Variants in FGF12 observed in about 807,000 individuals in gnomAD.
FGF12 encodes fibroblast growth factor 12B.
A neutral mutation model predicts 23.6 loss-of-function variants in FGF12; 14 were observed. The observed-to-expected ratio is 0.59, with a 90% confidence interval of 0.39 to 0.93. The LOEUF is 0.93. FGF12 is among the 40% of genes least tolerant of loss of function. The probability of loss-of-function intolerance (pLI) is 0.00; values close to 1 mark genes in which losing one functional copy is unlikely to be tolerated. For synonymous variants in FGF12, 62 were observed against 77.3 expected (o/e 0.80, Z 1.04); for missense variants, 175 against 217.8 (o/e 0.80, Z 1.24).
chr3:192,457,879 A>T (rs1306823663), intron 2 of FGF12, among the ~76,000 whole-genome samples: 1 of 152,140 alleles, frequency 6.6e-6, no homozygotes, highest in Non-Finnish European at 1.5e-5. Flanking sequence ...GGCCAAGGAG[A>T]AAAAAGTGGT....
At chr3:192,289,654 G>A (rs1714652635) in intron 4 of FGF12, among the ~76,000 whole-genome samples, 1 of 152,014 alleles carries the variant, frequency 6.6e-6, no homozygotes, top group African/African-American at 2.4e-5. Context: ...TTCATTATGT[G>A]GGAGAGTTAA....
chr3:192,392,414 A>AAAATAAATAAAT (rs60248403), intron 2 of FGF12, among the ~76,000 whole-genome samples: 38,143 of 143,434 alleles, frequency 0.27, 5,400 homozygotes, highest in East Asian at 0.37. Flanking sequence ...CTAAAAATAA[A>AAAATAAATAAAT]AAATAAATAA....
In FGF12 at chr3:192,427,946, C is replaced by T. The variant is rs140891780; in HGVS notation, c.14-67408G>A. Among the ~76,000 whole-genome samples, 399 of 152,344 alleles carry T rather than the reference C, an allele frequency of 2.6e-3. 1 individual carries two copies. The highest frequency in any genetic ancestry group is 9.1e-3 in the African/African-American group (380 of 41,576). ...GTGTTTGCTTAGATCAGAGTGCAGA[C>T]TCAAGGCACTCACATAACCTGCCAC... On this transcript the variant is annotated intron_variant, in intron 2 of 5. Coordinates refer to ENST00000445105, the MANE Select transcript of FGF12 (RefSeq NM_004113.6).
At chr3:192,266,171 C>T (rs1324882788) in intron 4 of FGF12, among the ~76,000 whole-genome samples, 1 of 152,120 alleles carries the variant, frequency 6.6e-6, no homozygotes, top group Non-Finnish European at 1.5e-5. Flanking sequence ...AAATTAGTTG[C>T]TCCCTCTATG....
intron 4 of FGF12, among the ~76,000 whole-genome samples, chr3:192,257,805 C>G (rs1326877383): frequency 6.6e-6 from 1 of 151,998 alleles, no homozygotes; most frequent in East Asian, 1.9e-4. Context: ...ACAAGGAATA[C>G]AAATTTACAC....
chr3:192,175,063 A>T (rs1298970091), intron 4 of FGF12, among the ~76,000 whole-genome samples: 1 of 152,228 alleles, frequency 6.6e-6, no homozygotes, highest in African/African-American at 2.4e-5. Flanking sequence ...TTACAAATAT[A>T]TAGACATTTT....
chr3:192,446,325 G>A (rs1045199771), intron 2 of FGF12, among the ~76,000 whole-genome samples: 2 of 152,048 alleles, frequency 1.3e-5, no homozygotes, highest in Non-Finnish European at 2.9e-5. Context: ...TTTCAGAATC[G>A]GCAATTCAGT....
chr3:192,518,051 C>G (rs577135257), intron 2 of FGF12, among the ~76,000 whole-genome samples: 1 of 152,172 alleles, frequency 6.6e-6, no homozygotes, highest in Admixed American at 6.5e-5. Flanking sequence ...CATCTTTTCT[C>G]CTTTCTGTGT....
chr3:192,179,412 T>C (rs1383529721), intron 4 of FGF12, among the ~76,000 whole-genome samples: 2 of 152,176 alleles, frequency 1.3e-5, no homozygotes, highest in African/African-American at 4.8e-5. Flanking sequence ...ACTGGAAATG[T>C]AATGTTGGAG....
At chr3:192,292,608 T>C (rs972949992) in intron 4 of FGF12, among the ~76,000 whole-genome samples, 1 of 152,150 alleles carries the variant, frequency 6.6e-6, no homozygotes, top group Non-Finnish European at 1.5e-5. Flanking sequence ...TCTAAGATAT[T>C]GAAATAAACA....
intron 2 of FGF12, among the ~76,000 whole-genome samples, chr3:192,602,511 T>G (rs1714154075): frequency 6.6e-6 from 1 of 152,248 alleles, no homozygotes; most frequent in Non-Finnish European, 1.5e-5. Context: ...CTCTCAGAGC[T>G]GTGAAGTGTA....
At chr3:192,334,434 A>T (rs1717285228) in intron 4 of FGF12, among the ~76,000 whole-genome samples, 1 of 151,938 alleles carries the variant, frequency 6.6e-6, no homozygotes, top group Non-Finnish European at 1.5e-5. Flanking sequence ...GATCATAAAA[A>T]GTAAGGGTGG....
chr3:192,562,125 G>T (rs919015542), intron 2 of FGF12, among the ~76,000 whole-genome samples: 4 of 152,116 alleles, frequency 2.6e-5, no homozygotes, highest in Non-Finnish European at 5.9e-5. Flanking sequence ...CAGAAATTTT[G>T]TTTAGGAAGA....
chr3:192,161,925 T>C (rs981040067), intron 5 of FGF12, among the ~76,000 whole-genome samples: 1 of 152,152 alleles, frequency 6.6e-6, no homozygotes, highest in African/African-American at 2.4e-5. Flanking sequence ...GTGGGAACAC[T>C]GGAGTTGTTC....
chr3:192,244,037 C>T (rs1447101775), intron 4 of FGF12, among the ~76,000 whole-genome samples: 1 of 151,922 alleles, frequency 6.6e-6, no homozygotes, highest in Non-Finnish European at 1.5e-5. Flanking sequence ...ATTTTTTATC[C>T]ATCATATTTT....
At chr3:192,541,068 T>TA in intron 2 of FGF12, among the ~76,000 whole-genome samples, 1 of 152,194 alleles carries the variant, frequency 6.6e-6, no homozygotes, top group East Asian at 1.9e-4. Context: ...TTGTTTTTTT[T>TA]AAATCCATTT....
At chr3:192,477,226 T>A (rs145107854) in intron 2 of FGF12, among the ~76,000 whole-genome samples, 17 of 152,312 alleles carry the variant, frequency 1.1e-4, no homozygotes, top group Non-Finnish European at 2.1e-4. Flanking sequence ...GAATAAAGAC[T>A]GACTTTGCTT....
At chr3:192,456,124 A>T (rs1325486426) in intron 2 of FGF12, among the ~76,000 whole-genome samples, 1 of 152,246 alleles carries the variant, frequency 6.6e-6, no homozygotes, top group African/African-American at 2.4e-5. Flanking sequence ...AGATGATAAA[A>T]ACATGGTAAT....
intron 2 of FGF12, among the ~76,000 whole-genome samples, chr3:192,413,827 C>T (rs1024237624): frequency 3.9e-5 from 6 of 152,196 alleles, no homozygotes; most frequent in African/African-American, 1.4e-4. Flanking sequence ...TGGGCTCTGC[C>T]ACAGCAAATG....
Sources: allele counts gnomAD v4.1 joint callset (sites outside exome capture counted in the v4.1 genomes callset), GRCh38; gene constraint gnomAD v4.1.1; transcripts MANE v1.5; gene names NCBI Gene and HGNC (gene_info 2026-07-23, HGNC 2026-07-21).